SNTG1: variants seen among roughly 807,000 people sequenced by gnomAD.
SNTG1 encodes the protein gamma-1-syntrophin.
A neutral mutation model predicts 74.7 loss-of-function variants in SNTG1; 39 were observed. The ratio of observed to expected loss-of-function variants is 0.52; its 90% confidence interval spans 0.40 to 0.68. The LOEUF (loss-of-function observed/expected upper bound fraction) is 0.68, where lower values mean the gene tolerates loss of function less well. Ranked by LOEUF, SNTG1 falls within the 30% of genes least tolerant of loss-of-function variation. The pLI, the probability that SNTG1 is intolerant of heterozygous loss-of-function variation, is 0.00. For missense variants in SNTG1, 685 were observed against 609.5 expected, an observed-to-expected ratio of 1.12 and a Z score of -1.30; for synonymous variants, 254 against 217.1, an observed-to-expected ratio of 1.17 and a Z score of -1.49.
intron 15 of SNTG1, among the ~76,000 whole-genome samples, chr8:50,695,175 T>C (rs1320036918): frequency 6.6e-6 from 1 of 151,160 alleles, no homozygotes; most frequent in African/African-American, 2.4e-5. Context: ...TGATCTTATA[T>C]GTAAAAAAAA....
intron 2 of SNTG1, among the ~76,000 whole-genome samples, chr8:50,261,226 T>G (rs1586879862): frequency 6.6e-6 from 1 of 152,144 alleles, no homozygotes; most frequent in Admixed American, 6.5e-5. Context: ...TCAGAAACTA[T>G]GCAAGCAAGA....
At chr8:50,597,035 G>A (rs981241102) in intron 13 of SNTG1, among the ~76,000 whole-genome samples, 56 of 151,706 alleles carry the variant, frequency 3.7e-4, no homozygotes, top group African/African-American at 1.3e-3. Context: ...CTGTAACTTT[G>A]TACCCACAGG....
chr8:50,447,299 G>T (rs1410514251), intron 5 of SNTG1, among the ~76,000 whole-genome samples: 2 of 152,180 alleles, frequency 1.3e-5, no homozygotes, highest in African/African-American at 4.8e-5. Context: ...TAAGAGAAAA[G>T]GGTGAAATGC....
chr8:50,562,240 A>G (rs974080685), intron 12 of SNTG1, among the ~76,000 whole-genome samples: 3 of 152,228 alleles, frequency 2.0e-5, no homozygotes, highest in African/African-American at 4.8e-5. Context: ...TGACAATTCC[A>G]TGTCATATGG....
In SNTG1 at chr8:50,596,479, G is replaced by A. The variant is rs557985836; in HGVS notation, c.849+5562G>A. 4.6e-5 allele frequency among the ~76,000 whole-genome samples: 7 copies of A among 151,974 alleles called. No homozygotes were observed. In the East Asian group the frequency reaches 1.2e-3, roughly 25 times the overall value. On this transcript the variant is annotated intron_variant, in intron 13 of 18. Transcript: ENST00000642720. Reference sequence around the variant, plus strand: ...ATTTAACACTTGTTTCAAAAGTGAGGTATAGATTAAAGCTATTTTTAAGGG... The same window carrying A: ...ATTTAACACTTGTTTCAAAAGTGAGATATAGATTAAAGCTATTTTTAAGGG...
intron 4 of SNTG1, among the ~76,000 whole-genome samples, chr8:50,432,139 A>G (rs1449178649): frequency 6.6e-6 from 1 of 152,194 alleles, no homozygotes; most frequent in African/African-American, 2.4e-5. Flanking sequence ...CTCTTCTAGT[A>G]CTACTGTGTT....
intron 2 of SNTG1, among the ~76,000 whole-genome samples, chr8:50,321,182 C>T (rs1338286540): frequency 6.6e-6 from 1 of 152,002 alleles, no homozygotes; most frequent in Non-Finnish European, 1.5e-5. Context: ...CTCCTTAGCT[C>T]TAATAATATT....
chr8:50,669,957 T>C (rs961528768), intron 15 of SNTG1, among the ~76,000 whole-genome samples: 4 of 152,120 alleles, frequency 2.6e-5, no homozygotes, highest in African/African-American at 9.7e-5. Context: ...ATTATCTCAA[T>C]AGATGCAGAA....
intron 1 of SNTG1, among the ~76,000 whole-genome samples, chr8:49,994,527 A>G (rs539427557): frequency 4.6e-5 from 7 of 151,820 alleles, no homozygotes; most frequent in Non-Finnish European, 8.8e-5. Context: ...GGCCTCCCAA[A>G]GTGTTGGGAT....
At chr8:50,524,825 G>A (rs1469386659) in intron 9 of SNTG1, among the ~76,000 whole-genome samples, 1 of 152,076 alleles carries the variant, frequency 6.6e-6, no homozygotes, top group African/African-American at 2.4e-5. Context: ...GGTATGTGAA[G>A]GGTGTCCTGG....
intron 2 of SNTG1, among the ~76,000 whole-genome samples, chr8:50,234,149 C>A (rs1408393634): frequency 2.0e-5 from 3 of 151,886 alleles, no homozygotes; most frequent in African/African-American, 7.2e-5. Context: ...TGGAAATAAT[C>A]AAATGTTTCT....
intron 8 of SNTG1, among the ~76,000 whole-genome samples, chr8:50,475,222 T>TATA (rs144285770): frequency 0.092 from 13,653 of 149,176 alleles, 1,256 homozygotes; most frequent in African/African-American, 0.24. Flanking sequence ...AAACTTAAAG[T>TATA]ATAATAATAA....
At chr8:50,282,508 C>A (rs1266158215) in intron 2 of SNTG1, among the ~76,000 whole-genome samples, 2 of 152,162 alleles carry the variant, frequency 1.3e-5, no homozygotes, top group African/African-American at 4.8e-5. Context: ...AACTTTTTAG[C>A]CAGGTGCTAG....
chr8:50,723,919 G>A (rs184932040), intron 17 of SNTG1, among the ~76,000 whole-genome samples: 1 of 152,180 alleles, frequency 6.6e-6, no homozygotes, highest in Non-Finnish European at 1.5e-5. Context: ...GCTATGAAAT[G>A]AGTAGGAGTA....
At chr8:50,623,192 A>T (rs1157846362) in intron 13 of SNTG1, among the ~76,000 whole-genome samples, 2 of 152,020 alleles carry the variant, frequency 1.3e-5, no homozygotes, top group Non-Finnish European at 2.9e-5. Context: ...TCTGACAAGG[A>T]TTTCCAGTAT....
At chr8:50,000,285 A>T (rs910483304) in intron 1 of SNTG1, among the ~76,000 whole-genome samples, 15 of 151,990 alleles carry the variant, frequency 9.9e-5, no homozygotes, top group African/African-American at 3.6e-4. Context: ...GACTGACATT[A>T]TTCCAGTTCA....
chr8:50,507,570 G>A (rs1351398518), intron 9 of SNTG1, among the ~76,000 whole-genome samples: 2 of 152,038 alleles, frequency 1.3e-5, no homozygotes, highest in African/African-American at 4.8e-5. Context: ...CATATTTCTA[G>A]AAGGTTATCT....
intron 2 of SNTG1, among the ~76,000 whole-genome samples, chr8:50,184,674 C>T (rs1202691809): frequency 1.3e-5 from 2 of 152,052 alleles, no homozygotes; most frequent in Non-Finnish European, 2.9e-5. Flanking sequence ...TCAAACGAGC[C>T]AAGGGAAATT....
At chr8:50,202,920 T>G (rs531642677) in intron 2 of SNTG1, among the ~76,000 whole-genome samples, 1 of 152,156 alleles carries the variant, frequency 6.6e-6, no homozygotes, top group African/African-American at 2.4e-5. Flanking sequence ...GCATTAATTT[T>G]GGAAAGATCT....
Sources: gnomAD v4.1 joint callset for allele counts (sites outside exome capture counted in the v4.1 genomes callset) on GRCh38, gnomAD v4.1.1 for gene constraint, MANE v1.5 for transcripts, NCBI Gene and HGNC (gene_info 2026-07-23, HGNC 2026-07-21) for gene names.